TMEM14A: variants seen among roughly 807,000 people sequenced by gnomAD.
TMEM14A encodes transmembrane protein 14A.
In TMEM14A, 8 loss-of-function variants were observed where a neutral mutation model predicts 11.6. The observed-to-expected ratio is 0.69, with a 90% CI of 0.40 to 1.24. The LOEUF is 1.24. Ranked by LOEUF, TMEM14A falls within the 50% of genes most tolerant of loss-of-function variation. The probability of loss-of-function intolerance (pLI) is 0.01; values close to 1 mark genes in which losing one functional copy is unlikely to be tolerated. For synonymous variants in TMEM14A, 34 were observed against 45.5 expected (o/e 0.75, Z 1.02); for missense variants, 108 against 121.9 (o/e 0.89, Z 0.54).
intron 1 of TMEM14A, among the ~76,000 whole-genome samples, chr6:52,673,241 A>G (rs142212303): frequency 6.6e-6 from 1 of 152,174 alleles, no homozygotes; most frequent in South Asian, 2.1e-4. Context: ...TAGGGAACCC[A>G]GGCCTGCCCA....
chr6:52,675,931 A>G (rs1411007075), intron 1 of TMEM14A, among the ~76,000 whole-genome samples: 1 of 152,190 alleles, frequency 6.6e-6, no homozygotes, highest in Non-Finnish European at 1.5e-5. Context: ...ATTAGGAGGT[A>G]ATTAATAAGG....
At chr6:52,678,747 G>A (rs1225874083) in intron 2 of TMEM14A, among the ~76,000 whole-genome samples, 3 of 152,148 alleles carry the variant, frequency 2.0e-5, no homozygotes, top group African/African-American at 7.2e-5. Context: ...ATGATGCATG[G>A]TACACATTTC....
chr6:52,677,008 TA>T, intron 1 of TMEM14A, 78 bp from the exon 2 acceptor site: 1 of 1,330,756 alleles, frequency 7.5e-7, no homozygotes, highest in Non-Finnish European at 1.1e-6. Context: ...CCAAACCATA[TA>T]AGCGTATCAT....
At chr6:52,680,821 C>G (rs937571808) in intron 2 of TMEM14A, among the ~76,000 whole-genome samples, 2 of 147,850 alleles carry the variant, frequency 1.4e-5, no homozygotes, top group African/African-American at 5.0e-5. Context: ...AGGAGTAGAA[C>G]CTAGCGTGTT....
chr6:52,681,713 G>A (rs1289369458), intron 2 of TMEM14A, 100 bp from the exon 3 acceptor site: 4 of 972,314 alleles, frequency 4.1e-6, no homozygotes, highest in Non-Finnish European at 6.4e-6. Flanking sequence ...GCCCAAGTAG[G>A]AATACATTTG....
At chr6:52,675,546 G>A (rs777015134) in intron 1 of TMEM14A, among the ~76,000 whole-genome samples, 36 of 152,212 alleles carry the variant, frequency 2.4e-4, no homozygotes, top group Non-Finnish European at 4.0e-4. Flanking sequence ...AGAGAATTGT[G>A]GGCAGGGTTT....
At chr6:52,675,254 A>G (rs568924864) in intron 1 of TMEM14A, among the ~76,000 whole-genome samples, 1 of 152,312 alleles carries the variant, frequency 6.6e-6, no homozygotes. Context: ...CCTAAATGAT[A>G]AGCAATGAGA....
chr6:52,680,710 T>TATGTGTATATATATATATAG (rs1561875194), intron 2 of TMEM14A, among the ~76,000 whole-genome samples: 1 of 127,628 alleles, frequency 7.8e-6, no homozygotes, highest in African/African-American at 2.9e-5. Flanking sequence ...TATATACACA[T>TATGTGTATATATATATATAG]ATATATATGG....
intron 1 of TMEM14A, among the ~76,000 whole-genome samples, chr6:52,673,136 C>A (rs1321852988): frequency 6.6e-6 from 1 of 152,196 alleles, no homozygotes; most frequent in African/African-American, 2.4e-5. Context: ...CTTATTCATG[C>A]TCCCCTGTAG....
chr6:52,680,665 A>ATATACATATATGTG (rs1352415278), intron 2 of TMEM14A, among the ~76,000 whole-genome samples: 757 of 47,154 alleles, frequency 0.016, 44 homozygotes, highest in African/African-American at 0.029. Context: ...GTGTATATAT[A>ATATACATATATGTG]TGTGTATATA....
At chr6:52,675,522 A>G (rs956685284) in intron 1 of TMEM14A, among the ~76,000 whole-genome samples, 1 of 152,224 alleles carries the variant, frequency 6.6e-6, no homozygotes, top group South Asian at 2.1e-4. Context: ...CTGGCACGCT[A>G]TCTACTGCAT....
intron 2 of TMEM14A, among the ~76,000 whole-genome samples, chr6:52,678,643 G>A (rs1332959829): frequency 1.3e-5 from 2 of 152,102 alleles, no homozygotes; most frequent in East Asian, 1.9e-4. Flanking sequence ...CAGTCTTGAC[G>A]CTGCCACTTA....
chr6:52,676,958 G>A (rs1769267695), intron 1 of TMEM14A, 129 bp from the exon 2 acceptor site: 4 of 823,184 alleles, frequency 4.9e-6, no homozygotes, highest in Middle Eastern at 2.3e-4. Context: ...CCAACACTCA[G>A]GATCACAATT....
intron 1 of TMEM14A, among the ~76,000 whole-genome samples, chr6:52,672,510 A>C (rs1210301519): frequency 6.6e-6 from 1 of 152,002 alleles, no homozygotes; most frequent in Non-Finnish European, 1.5e-5. Flanking sequence ...ATACATTCTA[A>C]ACAGGTCCCA....
At chr6:52,681,736 T>A (rs1185403720) in intron 2 of TMEM14A, 77 bp from the exon 3 acceptor site, 1 of 1,295,552 alleles carries the variant, frequency 7.7e-7, no homozygotes, top group African/African-American at 1.5e-5. Context: ...GGTGCCTGTA[T>A]CATACTAGAA....
In TMEM14A at chr6:52,673,339, G is replaced by A. The variant is rs201925872; in HGVS notation, c.-17+2094G>A. On this transcript the variant is annotated intron_variant, in intron 1 of 4. Coordinates refer to ENST00000211314, the MANE Select transcript of TMEM14A (RefSeq NM_014051.4). ...AACAGGGGCCATACGGGGAATTGAG[G>A]CCTTGAATTTTGAGTTAAATCAAGT... 3.3e-5 allele frequency among the ~76,000 whole-genome samples: 4 copies of A among 119,928 alleles called. No homozygotes were observed. In the East Asian group the frequency reaches 1.0e-3, roughly 30 times the overall value. The allele number at this position is 119,928 out of a possible 152,430, so 78.7% of individuals were successfully genotyped here. A position where few individuals can be genotyped will look rare whatever the true frequency, so the allele number is the denominator to read the frequency against.
intron 1 of TMEM14A, among the ~76,000 whole-genome samples, chr6:52,672,663 T>C (rs1488181487): frequency 6.6e-6 from 1 of 152,202 alleles, no homozygotes. Context: ...GAGTCATCTC[T>C]GATTCACCCC....
At chr6:52,682,756 T>A (rs1321196574) in intron 3 of TMEM14A, among the ~76,000 whole-genome samples, 1 of 152,172 alleles carries the variant, frequency 6.6e-6, no homozygotes, top group Non-Finnish European at 1.5e-5. Context: ...ATTTTTTATA[T>A]CAATAAACAG....
intron 3 of TMEM14A, among the ~76,000 whole-genome samples, chr6:52,683,496 A>C (rs1769433038): frequency 6.7e-6 from 1 of 148,340 alleles, no homozygotes; most frequent in African/African-American, 2.5e-5. Flanking sequence ...AAAAAAAAAA[A>C]AGAAAAAGAA....
Sources: gnomAD v4.1 joint callset for allele counts (sites outside exome capture counted in the v4.1 genomes callset) on GRCh38, gnomAD v4.1.1 for gene constraint, MANE v1.5 for transcripts, NCBI Gene and HGNC (gene_info 2026-07-23, HGNC 2026-07-21) for gene names.